Variants in TRIM37 observed in about 807,000 individuals in gnomAD.
TRIM37 encodes the protein tripartite motif containing 37, also known as E3 ubiquitin-protein ligase TRIM37.
In TRIM37, 80 loss-of-function variants were observed where a neutral mutation model predicts 129.8. The observed-to-expected ratio is 0.62, with a 90% CI of 0.51 to 0.74. The LOEUF is 0.74. Among genes scored for constraint, TRIM37 ranks in the 30% least tolerant of loss-of-function variants. TRIM37 has a pLI of 0.00. For synonymous variants in TRIM37, 389 were observed against 387.1 expected, an observed-to-expected ratio of 1.00 and a Z score of -0.06; for missense variants, 1,054 against 1,176.5, an observed-to-expected ratio of 0.90 and a Z score of 1.52.
chr17:58,991,932 G>T (rs1391652966), intron 24 of TRIM37, among the ~76,000 whole-genome samples: 1 of 152,054 alleles, frequency 6.6e-6, no homozygotes, highest in South Asian at 2.1e-4. Context: ...AGGTCAAACT[G>T]TACAGGTTAT....
chr17:58,980,463 C>G (rs749465016), downstream of TRIM37: 24 of 1,614,000 alleles, frequency 1.5e-5, no homozygotes, highest in South Asian at 2.4e-4. This position sits in a 1 kb window ranked among gnomAD's most constrained non-coding sequence, Gnocchi z 4.7. Context: ...CTGGAAGACC[C>G]AGGCTACCTA....
chr17:58,989,039 T>G (rs1304757697), intron 24 of TRIM37, among the ~76,000 whole-genome samples: 1 of 152,200 alleles, frequency 6.6e-6, no homozygotes, highest in African/African-American at 2.4e-5. Flanking sequence ...CAAAGTATCT[T>G]GTCCTATGTG....
chr17:59,032,369 C>T (rs2037949973), intron 17 of TRIM37, among the ~76,000 whole-genome samples: 3 of 149,800 alleles, frequency 2.0e-5, no homozygotes, highest in East Asian at 2.0e-4. Context: ...ACTAAAAATA[C>T]AAAAAATTAG....
intron 9 of TRIM37, among the ~76,000 whole-genome samples, chr17:59,069,586 T>C (rs1196889394): frequency 6.6e-6 from 1 of 152,134 alleles, no homozygotes; most frequent in East Asian, 1.9e-4. Flanking sequence ...AAAATGTTTA[T>C]CTGAAGCAGT....
chr17:58,993,232 C>G (rs1455491649), downstream of TRIM37, among the ~76,000 whole-genome samples: 1 of 152,094 alleles, frequency 6.6e-6, no homozygotes, highest in Non-Finnish European at 1.5e-5. Context: ...ACTGTAAGTC[C>G]AATAAACCTC....
chr17:59,051,074 G>A, intron 14 of TRIM37, 140 bp downstream of exon 14: 1 of 636,458 alleles, frequency 1.6e-6, no homozygotes, highest in Non-Finnish European at 2.8e-6. Flanking sequence ...GTAAGGATGG[G>A]GAACAAGATA....
At chr17:59,001,571 T>C in intron 23 of TRIM37, 27 bp downstream of exon 23, 1 of 1,613,380 alleles carries the variant, frequency 6.2e-7, no homozygotes, top group African/African-American at 1.3e-5. Context: ...TTTAGTAATC[T>C]GTGTAAAATG....
At chr17:58,994,345 A>T (rs1463854564), downstream of TRIM37, among the ~76,000 whole-genome samples, 1 of 152,192 alleles carries the variant, frequency 6.6e-6, no homozygotes, top group Non-Finnish European at 1.5e-5. Flanking sequence ...ATTTATTTTT[A>T]AAAAATAATA....
chr17:58,986,896 C>G (rs1455907544), intron 24 of TRIM37, among the ~76,000 whole-genome samples: 1 of 152,152 alleles, frequency 6.6e-6, no homozygotes, highest in Non-Finnish European at 1.5e-5. Flanking sequence ...TAGGAATAAC[C>G]TTATGGAAGA....
In TRIM37 at chr17:59,071,666, T is replaced by TAC. The variant is rs146664956; in HGVS notation, c.685-721_685-720dup. 9.9e-5 allele frequency among the ~76,000 whole-genome samples: 15 copies of TAC among 151,650 alleles called. No homozygotes were observed. In the East Asian group the frequency reaches 2.3e-3, roughly 24 times the overall value. ...AAACGTACACACATACACCCGTGTG[T>TAC]ACACACACACACACGCACTATCTGA... On this transcript the variant is annotated intron_variant, in intron 8 of 23. Transcript: ENST00000262294.
At chr17:58,970,845 G>A in the TRIM37 span, among the ~76,000 whole-genome samples, 3 of 151,950 alleles carry the variant, frequency 2.0e-5, no homozygotes, top group Non-Finnish European at 4.4e-5. Context: ...CATCTGAGTC[G>A]AGGACAAGGG....
At chr17:58,970,026 A>G in the TRIM37 span, among the ~76,000 whole-genome samples, 1 of 152,204 alleles carries the variant, frequency 6.6e-6, no homozygotes, top group South Asian at 2.1e-4. Context: ...ATTGCCTGTC[A>G]GGTTCACACC....
At chr17:58,988,120 G>T (rs900311471) in intron 24 of TRIM37, among the ~76,000 whole-genome samples, 5 of 152,196 alleles carry the variant, frequency 3.3e-5, no homozygotes, top group African/African-American at 1.2e-4. Context: ...GTTGTAAACA[G>T]ACACTGGAAA....
intron 11 of TRIM37, among the ~76,000 whole-genome samples, chr17:59,061,509 A>C (rs2041491551): frequency 6.6e-6 from 1 of 152,112 alleles, no homozygotes; most frequent in Non-Finnish European, 1.5e-5. Flanking sequence ...CCCTATGCTG[A>C]AAGTAATTAA....
intron 13 of TRIM37, among the ~76,000 whole-genome samples, chr17:59,051,817 A>G (rs933433248): frequency 4.8e-5 from 7 of 147,352 alleles, no homozygotes; most frequent in South Asian, 4.3e-4. Flanking sequence ...TGCAAGCTCC[A>G]CCTCCCGGGT....
chr17:58,981,084 A>G (rs555555291), downstream of TRIM37: 15 of 1,273,668 alleles, frequency 1.2e-5, no homozygotes, highest in African/African-American at 2.3e-4. Flanking sequence ...TACCACTATC[A>G]GAGTAGAAAC....
chr17:59,087,118 A>T (rs553130355), intron 4 of TRIM37, among the ~76,000 whole-genome samples: 8 of 152,208 alleles, frequency 5.3e-5, no homozygotes, highest in African/African-American at 1.9e-4. Context: ...TTTTTGGGAG[A>T]TGGAGTCTCG....
chr17:58,968,692 C>G, the TRIM37 span, among the ~76,000 whole-genome samples: 1 of 152,310 alleles, frequency 6.6e-6, no homozygotes, highest in Admixed American at 6.5e-5. Flanking sequence ...CGTCACAGAT[C>G]TCCTAAGTGA....
At chr17:59,057,910 G>A (rs1303049542) in intron 12 of TRIM37, among the ~76,000 whole-genome samples, 1 of 151,968 alleles carries the variant, frequency 6.6e-6, no homozygotes, top group Non-Finnish European at 1.5e-5. Flanking sequence ...GATATATCAG[G>A]TATAAAACAA....
Sources: allele counts gnomAD v4.1 joint callset (sites outside exome capture counted in the v4.1 genomes callset), GRCh38; gene constraint gnomAD v4.1.1; non-coding constraint Gnocchi (gnomAD v3.1); transcripts MANE v1.5; gene names NCBI Gene and HGNC (gene_info 2026-07-23, HGNC 2026-07-21).